Variants in RAD51B observed in about 807,000 individuals in gnomAD.
RAD51B encodes DNA repair protein RAD51 homolog 2.
A neutral mutation model predicts 42.2 loss-of-function variants in RAD51B; 38 were observed. The observed-to-expected ratio is 0.90, with a 90% confidence interval of 0.70 to 1.18. The LOEUF (loss-of-function observed/expected upper bound fraction) is 1.18. Ranked by LOEUF, RAD51B falls within the 50% of genes most tolerant of loss-of-function variation. RAD51B has a pLI of 0.00. For missense variants in RAD51B, 373 were observed against 400.7 expected, an observed-to-expected ratio of 0.93 and a Z score of 0.59; for synonymous variants, 154 against 145.2, an observed-to-expected ratio of 1.06 and a Z score of -0.43.
At chr14:68,066,845 A>G (rs911492382) in intron 7 of RAD51B, among the ~76,000 whole-genome samples, 3 of 152,230 alleles carry the variant, frequency 2.0e-5, no homozygotes, top group Non-Finnish European at 4.4e-5. Flanking sequence ...TTAAAGGAAA[A>G]GAATTTAAAA....
chr14:67,992,118 G>C (rs955543488), intron 7 of RAD51B, among the ~76,000 whole-genome samples: 4 of 152,046 alleles, frequency 2.6e-5, no homozygotes, highest in Non-Finnish European at 5.9e-5. Context: ...TCTATGCATC[G>C]GACTATTTTG....
chr14:67,869,113 A>C (rs529873213), intron 5 of RAD51B, among the ~76,000 whole-genome samples: 1 of 152,358 alleles, frequency 6.6e-6, no homozygotes, highest in African/African-American at 2.4e-5. Flanking sequence ...TGAGAGAAGA[A>C]GGCTTCAGAT....
intron 8 of RAD51B, among the ~76,000 whole-genome samples, chr14:68,374,728 T>C (rs2083331488): frequency 6.7e-6 from 1 of 149,958 alleles, no homozygotes; most frequent in Admixed American, 6.7e-5. Context: ...CAGAAGTTTT[T>C]CCTGGCTTCC....
At chr14:68,397,694 C>A (rs2083965771) in intron 8 of RAD51B, among the ~76,000 whole-genome samples, 1 of 152,014 alleles carries the variant, frequency 6.6e-6, no homozygotes, top group Non-Finnish European at 1.5e-5. Context: ...GTGTAGGCCC[C>A]CAAAAGGAGA....
intron 7 of RAD51B, among the ~76,000 whole-genome samples, chr14:67,935,646 T>C (rs1323668204): frequency 6.6e-6 from 1 of 152,196 alleles, no homozygotes; most frequent in Non-Finnish European, 1.5e-5. Flanking sequence ...GGATTAGAAG[T>C]GTGAGCCACT....
intron 8 of RAD51B, among the ~76,000 whole-genome samples, chr14:68,313,709 A>G (rs965805846): frequency 6.6e-6 from 1 of 152,218 alleles, no homozygotes; most frequent in African/African-American, 2.4e-5. Flanking sequence ...CAAACAAAGG[A>G]ATCCTTCACC....
intron 7 of RAD51B, among the ~76,000 whole-genome samples, chr14:67,929,798 G>A (rs1232887867): frequency 1.3e-5 from 2 of 150,174 alleles, no homozygotes; most frequent in East Asian, 3.9e-4. Flanking sequence ...TTGTCTTTCT[G>A]TGTCTTTTTT....
chr14:68,138,412 T>C (rs1472508573), intron 7 of RAD51B, among the ~76,000 whole-genome samples: 1 of 152,196 alleles, frequency 6.6e-6, no homozygotes, highest in African/African-American at 2.4e-5. Flanking sequence ...AAAATGAGTG[T>C]GGCTTAAAAT....
At chr14:68,258,947 C>G (rs2139532855) in intron 7 of RAD51B, among the ~76,000 whole-genome samples, 1 of 152,242 alleles carries the variant, frequency 6.6e-6, no homozygotes, top group South Asian at 2.1e-4. Context: ...TGCCGGTGGC[C>G]TAAGTAGTCA....
chr14:68,257,377 A>G (rs1409366112), intron 7 of RAD51B, among the ~76,000 whole-genome samples: 5 of 152,206 alleles, frequency 3.3e-5, no homozygotes, highest in Admixed American at 2.6e-4. Context: ...CCACAATTAA[A>G]AAAGCAATGG....
intron 8 of RAD51B, among the ~76,000 whole-genome samples, chr14:68,354,023 A>G (rs2082843587): frequency 6.6e-6 from 1 of 152,170 alleles, no homozygotes; most frequent in Non-Finnish European, 1.5e-5. Context: ...CTTCCATGAA[A>G]CAAAGACATT....
At chr14:68,014,851 A>C (rs1207019765) in intron 7 of RAD51B, among the ~76,000 whole-genome samples, 1 of 100,498 alleles carries the variant, frequency 1.0e-5, no homozygotes. Context: ...AATGAATGCA[A>C]AAAAAAAAAA....
chr14:68,465,953 AATAAAT>A (rs2085972245), intron 9 of RAD51B, among the ~76,000 whole-genome samples: 4 of 37,302 alleles, frequency 1.1e-4, no homozygotes, highest in Non-Finnish European at 2.6e-4. Flanking sequence ...AAAAAAAAAA[AATAAAT>A]AAATAAATAA....
intron 8 of RAD51B, among the ~76,000 whole-genome samples, chr14:68,401,638 A>G (rs1384380401): frequency 6.6e-6 from 1 of 152,132 alleles, no homozygotes; most frequent in African/African-American, 2.4e-5. Flanking sequence ...CCTCCAGCCA[A>G]GAGACATCAG....
chr14:67,822,628 T>C (rs1351985225), intron 1 of RAD51B, among the ~76,000 whole-genome samples: 1 of 151,336 alleles, frequency 6.6e-6, no homozygotes, highest in Non-Finnish European at 1.5e-5. Flanking sequence ...GAGGCTGAGG[T>C]AGGAGGATTG....
chr14:68,283,468 C>G (rs1159921767), intron 7 of RAD51B, among the ~76,000 whole-genome samples: 1 of 152,166 alleles, frequency 6.6e-6, no homozygotes, highest in Non-Finnish European at 1.5e-5. Context: ...TGGCCAGAGA[C>G]TTTTTTGGCC....
At chr14:68,431,132 G>A (rs926290278) in intron 9 of RAD51B, among the ~76,000 whole-genome samples, 1 of 152,136 alleles carries the variant, frequency 6.6e-6, no homozygotes, top group African/African-American at 2.4e-5. Flanking sequence ...GCTTTTTGAT[G>A]TGCTGCTGGA....
At chr14:67,947,741 A>T (rs974085274) in intron 7 of RAD51B, among the ~76,000 whole-genome samples, 15 of 152,238 alleles carry the variant, frequency 9.9e-5, no homozygotes, top group African/African-American at 3.6e-4. Flanking sequence ...TTGGTCCTAA[A>T]AAACAAAAAA....
At chr14:68,293,370 G>A (rs1463071076) in intron 8 of RAD51B, among the ~76,000 whole-genome samples, 3 of 152,098 alleles carry the variant, frequency 2.0e-5, no homozygotes, top group Non-Finnish European at 4.4e-5. Context: ...TTATACCATG[G>A]AAATCAGCAA....
Sources: gnomAD v4.1 joint callset for allele counts (sites outside exome capture counted in the v4.1 genomes callset) on GRCh38, gnomAD v4.1.1 for gene constraint, MANE v1.5 for transcripts, NCBI Gene and HGNC (gene_info 2026-07-23, HGNC 2026-07-21) for gene names.